CR2: variants seen among roughly 807,000 people sequenced by gnomAD.
The protein encoded by CR2 is complement C3d receptor 2.
CR2 carries 96 observed loss-of-function variants against 123.0 expected under a neutral mutation model. The observed-to-expected ratio is 0.78, with a 90% CI of 0.66 to 0.93. CR2 has a LOEUF of 0.93. Ranked by LOEUF, CR2 falls within the 40% of genes least tolerant of loss-of-function variation. The pLI is 0.00. For synonymous variants in CR2, 484 were observed against 469.5 expected, an observed-to-expected ratio of 1.03 and a Z score of -0.40; for missense variants, 1,258 against 1,361.0, an observed-to-expected ratio of 0.92 and a Z score of 1.19.
chr1:207,459,318 G>T (rs1450712481), intron 1 of CR2, among the ~76,000 whole-genome samples: 8 of 145,624 alleles, frequency 5.5e-5, no homozygotes, highest in African/African-American at 1.5e-4. Context: ...GGTGTTTTTT[G>T]TTGTTTTTTT....
At chr1:207,461,191 T>C (rs1558187200) in intron 1 of CR2, among the ~76,000 whole-genome samples, 1 of 151,396 alleles carries the variant, frequency 6.6e-6, no homozygotes, top group African/African-American at 2.4e-5. Flanking sequence ...ACCACCCTTA[T>C]AAAAAAAAAT....
chr1:207,467,328 A>C (rs1270549), intron 2 of CR2, among the ~76,000 whole-genome samples: 103,541 of 151,640 alleles, frequency 0.68, 35,822 homozygotes, highest in East Asian at 0.89. Flanking sequence ...CTGCTAACAC[A>C]GTCTAGCACA....
intron 10 of CR2, 128 bp from the exon 11 acceptor site, chr1:207,473,417 G>A: frequency 1.7e-6 from 2 of 1,151,928 alleles, no homozygotes; most frequent in Non-Finnish European, 1.3e-6. Context: ...ACAGCATTCA[G>A]TAGTGAATTT....
chr1:207,464,127 G>T (rs953068987), intron 1 of CR2, among the ~76,000 whole-genome samples: 1 of 152,156 alleles, frequency 6.6e-6, no homozygotes, highest in African/African-American at 2.4e-5. Context: ...AGCCACCCTA[G>T]GTCCCTTCTA....
Position 207,475,095 on chromosome 1 carries a change from T to G in CR2, c.2595T>G (p.Tyr865Ter). The G allele has an allele frequency of 6.2e-7, 1 of 1,612,596 alleles. No homozygotes were observed. The highest frequency in any genetic ancestry group is 1.7e-5 in the Admixed American group (1 of 59,910). ...GYKLNKTHSAYSHNDIVYVDC... is the reference protein window; with the variant it reads ...GYKLNKTHSA ...AGCTCAATAAAACACATTCTGCATATTCCCACAATGACATAGTGTATGTTG... is the reference window on the plus strand; with the variant it reads ...AGCTCAATAAAACACATTCTGCATAGTCCCACAATGACATAGTGTATGTTG... The change falls in exon 14 of 20, where the codon TAT becomes TAG. Residue 865 changes from tyrosine (Y) to a stop codon, truncating the protein, a stop_gained. Coordinates refer to ENST00000367057, the MANE Select transcript of CR2 (RefSeq NM_001006658.3). LOFTEE classifies it high-confidence loss of function.
At chr1:207,478,390 T>C (rs1181611727) in intron 16 of CR2, among the ~76,000 whole-genome samples, 1 of 150,710 alleles carries the variant, frequency 6.6e-6, no homozygotes, top group South Asian at 2.1e-4. Flanking sequence ...TAACCAGGCA[T>C]GGAGGTGTGC....
intron 18 of CR2, among the ~76,000 whole-genome samples, chr1:207,480,585 CT>C (rs1309386361): frequency 6.6e-6 from 1 of 152,014 alleles, no homozygotes; most frequent in Non-Finnish European, 1.5e-5. Flanking sequence ...CTGGCTAAAC[CT>C]TTTTTCATAC....
chr1:207,479,759 T>TC (rs1484775725), intron 17 of CR2, among the ~76,000 whole-genome samples: 1 of 152,182 alleles, frequency 6.6e-6, no homozygotes, highest in African/African-American at 2.4e-5. Flanking sequence ...AACCTTGTGG[T>TC]CATGTGCTTG....
chr1:207,480,181 C>G, intron 18 of CR2, 128 bp downstream of exon 18: 1 of 742,858 alleles, frequency 1.3e-6, no homozygotes, highest in Non-Finnish European at 2.4e-6. Flanking sequence ...AATGAAGTAT[C>G]TCGTGCTATA....
intron 2 of CR2, among the ~76,000 whole-genome samples, chr1:207,467,956 C>A (rs1160422184): frequency 1.3e-5 from 2 of 152,068 alleles, no homozygotes; most frequent in African/African-American, 4.8e-5. Context: ...GAAATGATAG[C>A]ATGCTACTTT....
intron 1 of CR2, chr1:207,455,060 A>C (rs1165151125): frequency 6.6e-6 from 1 of 152,332 alleles, no homozygotes. Flanking sequence ...TGAGACATGG[A>C]TTAAAACTAT....
rs750212885 is a variant in CR2, at chr1:207,477,980, T to A, written c.2998T>A (p.Cys1000Ser). Residue 1000 changes from cysteine to serine, a missense_variant, in exon 16 of 20, where the codon TGT (cysteine) becomes AGT (serine). By Grantham distance (112) the Cys-to-Ser change is moderately radical. Transcript: ENST00000367057. ...YQYGAVVTLE[C>S]EDGYMLEGSP... ...GTATGGAGCTGTTGTAACTCTGGAGTGTGAAGATGGGTATATGCTGGAAGG... is the reference window on the plus strand; with the variant it reads ...GTATGGAGCTGTTGTAACTCTGGAGAGTGAAGATGGGTATATGCTGGAAGG... 1 of 1,613,356 alleles carries A rather than the reference T, an allele frequency of 6.2e-7. No individual in the cohort carries two copies. Among genetic ancestry groups the A allele is most frequent in the African/African-American group, 1.3e-5 (1 of 74,760 alleles).
intron 6 of CR2, 99 bp from the exon 7 acceptor site, chr1:207,470,639 CCA>C (rs1374123625): frequency 8.7e-7 from 1 of 1,154,598 alleles, no homozygotes; most frequent in African/African-American, 1.5e-5. Flanking sequence ...ACAGCTGACG[CCA>C]GAGTGGAATT....
In CR2 at chr1:207,470,863, C is replaced by A; in HGVS notation, c.1349C>A (p.Ser450Tyr). 6.2e-7 allele frequency: 1 copy of A among 1,613,864 alleles called. No homozygotes were observed. Among genetic ancestry groups the A allele is most frequent in the Non-Finnish European group, 8.5e-7 (1 of 1,179,878 alleles). Residue 450 changes from serine (S) to tyrosine (Y), a missense_variant, in exon 7 of 20, where the codon TCC becomes TAC. By Grantham distance (144) the Ser-to-Tyr change is moderately radical. Transcript: ENST00000367057. ...GGCTATGTGCTGGTGGGAGAAGAAT[C>A]CATACAGTGTACCTCTGAGGGGGTG... The part of the protein sequence containing the change: ...NPGYVLVGEE[S>Y]IQCTSEGVWT...
Position 207,465,591 on chromosome 1 carries a change from C to G in CR2, c.59-935C>G, listed in dbSNP as rs555097578. 2.0e-5 allele frequency among the ~76,000 whole-genome samples: 3 copies of G among 152,224 alleles called. No homozygotes were observed. In the South Asian group the frequency reaches 6.2e-4, roughly 32 times the overall value. ...TCTCGAAAGTTACCCTTACTGAAAC[C>G]AAGTATAGCACTGATGTGATGAAAC... is the stretch of plus-strand genomic sequence containing the variant. On this transcript the variant is annotated intron_variant, in intron 1 of 19. Coordinates refer to ENST00000367057, the MANE Select transcript of CR2 (RefSeq NM_001006658.3).
In CR2 at chr1:207,470,998, G is replaced by T; in HGVS notation, c.1404G>T (p.Val468=). The T allele has an allele frequency of 1.2e-6, 2 of 1,613,776 alleles. No individual in the cohort carries two copies. The highest frequency in any genetic ancestry group is 1.7e-6 in the Non-Finnish European group (2 of 1,179,826). ...VWTPPVPQCK[V]AACEATGRQL... is the part of the protein sequence containing the mutation. ...TCTCATCCTAGTCTCTTTTCTTAGTGGCAGCGTGTGAAGCTACAGGAAGGC... is the reference window on the plus strand; with the variant it reads ...TCTCATCCTAGTCTCTTTTCTTAGTTGCAGCGTGTGAAGCTACAGGAAGGC... Residue 468 remains valine (V), a splice_region_variant and synonymous_variant, in exon 8 of 20, where the codon GTG becomes GTT. Transcript: ENST00000367057.
intron 18 of CR2, among the ~76,000 whole-genome samples, chr1:207,482,711 T>C (rs1331151630): frequency 1.3e-5 from 2 of 152,116 alleles, no homozygotes; most frequent in Non-Finnish European, 1.5e-5. Flanking sequence ...TGGTCAATAT[T>C]TGGGAGTTTT....
At chr1:207,476,670 A>G (rs1380458952) in intron 15 of CR2, among the ~76,000 whole-genome samples, 1 of 152,230 alleles carries the variant, frequency 6.6e-6, no homozygotes, top group Non-Finnish European at 1.5e-5. Context: ...ATGTCTGTAA[A>G]TTAAACAACC....
chr1:207,472,953 C>A lies in CR2; in HGVS notation c.1752C>A (p.Gly584=). The change falls in exon 10 of 20, where the codon GGC becomes GGA. Residue 584 remains glycine, a synonymous_variant. Coordinates refer to ENST00000367057, the MANE Select transcript of CR2 (RefSeq NM_001006658.3). ...IRCTSNDQER[G]TWSGPAPLCK... Reference sequence around the variant, plus strand: ...GTACAAGCAATGATCAAGAAAGAGGCACCTGGAGTGGCCCTGCTCCCCTGT... The same window carrying A: ...GTACAAGCAATGATCAAGAAAGAGGAACCTGGAGTGGCCCTGCTCCCCTGT... The A allele has an allele frequency of 6.2e-7, 1 of 1,614,032 alleles. No individual in the cohort carries two copies. Among genetic ancestry groups the A allele is most frequent in the Non-Finnish European group, 8.5e-7 (1 of 1,179,950 alleles).
Sources: gnomAD v4.1 joint callset for allele counts (sites outside exome capture counted in the v4.1 genomes callset) on GRCh38, gnomAD v4.1.1 for gene constraint, MANE v1.5 for transcripts, NCBI Gene and HGNC (gene_info 2026-07-23, HGNC 2026-07-21) for gene names.